Variants in PI4KA observed in about 807,000 individuals in gnomAD.
The protein encoded by PI4KA is phosphatidylinositol 4-kinase alpha.
Under a neutral mutation model 271.4 loss-of-function variants are expected in PI4KA, and 122 were observed. The observed-to-expected ratio is 0.45, with a 90% CI of 0.39 to 0.52. The LOEUF is 0.52. PI4KA is among the 20% of genes least tolerant of loss of function. PI4KA has a pLI of 0.00. For synonymous variants in PI4KA, 1,041 were observed against 1,078.8 expected, an observed-to-expected ratio of 0.96 and a Z score of 0.69; for missense variants, 1,969 against 2,769.1, an observed-to-expected ratio of 0.71 and a Z score of 6.48.
At chr22:20,727,422 G>A in intron 40 of PI4KA, 25 bp from the exon 41 acceptor site, 3 of 1,584,026 alleles carry the variant, frequency 1.9e-6, no homozygotes, top group South Asian at 1.1e-5. Context: ...GGGAGATGCT[G>A]TGGCTTGGGC....
In PI4KA at chr22:20,818,497, A is replaced by AC; in HGVS notation, c.841_842insG (p.Phe281CysfsTer5). The AC allele has an allele frequency of 6.3e-7, 1 of 1,580,272 alleles. No homozygotes were observed. The highest frequency in any genetic ancestry group is 8.6e-7 in the Non-Finnish European group (1 of 1,167,176). ...GTGAAGCCCACCTTCAAAGTAGTGAAAGGCAGATCCTCCAGGGGAACTGGG... is the reference window on the plus strand; with the variant it reads ...GTGAAGCCCACCTTCAAAGTAGTGAACAGGCAGATCCTCCAGGGGAACTGGG... On this transcript the variant is annotated frameshift_variant, in exon 7 of 55. Transcript: ENST00000255882. LOFTEE classifies it high-confidence loss of function.
At chr22:20,825,257 T>G (rs930170061) in intron 3 of PI4KA, among the ~76,000 whole-genome samples, 5 of 152,010 alleles carry the variant, frequency 3.3e-5, no homozygotes, top group Non-Finnish European at 5.9e-5. Context: ...GGCCTAAAAT[T>G]TGACCTTTTA....
intron 29 of PI4KA, among the ~76,000 whole-genome samples, 187 bp from the exon 30 acceptor site, chr22:20,744,907 C>T (rs1366315193): frequency 6.6e-6 from 1 of 151,882 alleles, no homozygotes; most frequent in Non-Finnish European, 1.5e-5. Context: ...TGATATGTTC[C>T]ATAAGAAATT....
chr22:20,730,989 C>A (rs1927971227), intron 36 of PI4KA, among the ~76,000 whole-genome samples: 1 of 151,916 alleles, frequency 6.6e-6, no homozygotes, highest in African/African-American at 2.4e-5. Flanking sequence ...CCAGCCTGGA[C>A]AACAAGGCAA....
chr22:20,759,534 G>A (rs1931736727), intron 23 of PI4KA, among the ~76,000 whole-genome samples: 1 of 150,750 alleles, frequency 6.6e-6, no homozygotes. Context: ...CTCCCCAGCA[G>A]CTGGGACTAC....
At chr22:20,712,443 G>A in intron 50 of PI4KA, 43 bp downstream of exon 50, 3 of 1,600,980 alleles carry the variant, frequency 1.9e-6, no homozygotes, top group Non-Finnish European at 2.6e-6. Flanking sequence ...GGGGTGGGGT[G>A]GAGCACACAC....
At chr22:20,714,779 T>C in intron 45 of PI4KA, 79 bp from the exon 46 acceptor site, 1 of 1,492,320 alleles carries the variant, frequency 6.7e-7, no homozygotes, top group South Asian at 1.2e-5. Flanking sequence ...ACACGGATGT[T>C]ACATGCGTGT....
At chr22:20,797,627 T>C (rs761141496) in intron 17 of PI4KA, among the ~76,000 whole-genome samples, 6 of 152,188 alleles carry the variant, frequency 3.9e-5, no homozygotes, top group African/African-American at 9.7e-5. Flanking sequence ...ACAGCTCTAT[T>C]GATTGGGAGC....
chr22:20,727,803 C>A lies in PI4KA; in HGVS notation c.4744G>T (p.Ala1582Ser). The A allele has an allele frequency of 6.2e-7, 1 of 1,614,118 alleles. No homozygotes were observed. The highest frequency in any genetic ancestry group is 8.5e-7 in the Non-Finnish European group (1 of 1,179,972). ...ATTGCTTCAGGCACATCACTAACGG[C>A]TCCCGGGTCCAACCGAACGAGACGG... is the stretch of plus-strand genomic sequence containing the variant. ...VTRLVRLDPG[A>S]VSDVPEAIKF... Residue 1582 changes from alanine (A) to serine (S), a missense_variant, in exon 40 of 55, where the codon GCC becomes TCC. By Grantham distance (99) the Ala-to-Ser change is moderately conservative (BLOSUM62 1). Transcript: ENST00000255882.
At chr22:20,712,413 G>A (rs2147170664) in intron 50 of PI4KA, 73 bp downstream of exon 50, 3 of 1,582,380 alleles carry the variant, frequency 1.9e-6, no homozygotes, top group Non-Finnish European at 2.6e-6. Flanking sequence ...GGTGTGGGTG[G>A]AGGCTGGGTA....
intron 4 of PI4KA, among the ~76,000 whole-genome samples, chr22:20,823,679 C>A (rs1922999425): frequency 6.6e-6 from 1 of 152,138 alleles, no homozygotes; most frequent in East Asian, 1.9e-4. Context: ...TGGCTCACAC[C>A]TATAATCCCA....
chr22:20,713,605 T>TA (rs1411294486), intron 47 of PI4KA, among the ~76,000 whole-genome samples: 3 of 152,206 alleles, frequency 2.0e-5, no homozygotes, highest in African/African-American at 7.2e-5. Context: ...TAAGAACATT[T>TA]AGGCTTAAAT....
At chr22:20,719,232 C>G (rs1486572896) in intron 43 of PI4KA, among the ~76,000 whole-genome samples, 1 of 152,026 alleles carries the variant, frequency 6.6e-6, no homozygotes, top group African/African-American at 2.4e-5. Context: ...TTAAACTCTA[C>G]CCTGAATACA....
At chr22:20,714,809 C>G in intron 45 of PI4KA, 109 bp from the exon 46 acceptor site, 7 of 1,324,308 alleles carry the variant, frequency 5.3e-6, no homozygotes, top group Non-Finnish European at 7.2e-6. Context: ...AGGCACACCC[C>G]GCCCCTGTGG....
At chr22:20,820,968 A>C (rs1922584285) in intron 4 of PI4KA, among the ~76,000 whole-genome samples, 1 of 152,228 alleles carries the variant, frequency 6.6e-6, no homozygotes, top group Non-Finnish European at 1.5e-5. Context: ...TTTCAACCGT[A>C]TTCTTCATGA....
In PI4KA at chr22:20,761,360, C is replaced by A; in HGVS notation, c.2735G>T (p.Arg912Leu). ...MRVLRSTDPD[R>L]FQVMFCYFED... ...AAAGTAGCAGAACATTACCTGGAAG[C>A]GATCAGGATCTGTTGAACGCAGTAC... The change falls in exon 23 of 55, where the codon CGC becomes CTC. Residue 912 changes from arginine to leucine, a missense_variant. Physicochemically the swap from Arg to Leu is moderately radical, Grantham distance 102 (BLOSUM62 -2). This residue lies in a region of PI4KA where 368 missense variants were observed against 544.3 expected (regional missense o/e 0.68). Coordinates refer to ENST00000255882, the MANE Select transcript of PI4KA (RefSeq NM_058004.4). 6.2e-7 allele frequency: 1 copy of A among 1,612,150 alleles called. No homozygotes were observed. The highest frequency in any genetic ancestry group is 8.5e-7 in the Non-Finnish European group (1 of 1,178,230).
At chr22:20,817,269 T>C (rs529982052) in intron 7 of PI4KA, among the ~76,000 whole-genome samples, 8 of 152,286 alleles carry the variant, frequency 5.3e-5, no homozygotes, top group African/African-American at 1.7e-4. Context: ...GGAGAGACTA[T>C]ACTGAAGCAT....
intron 1 of PI4KA, among the ~76,000 whole-genome samples, chr22:20,842,739 G>C (rs1925708959): frequency 6.6e-6 from 1 of 151,890 alleles, no homozygotes; most frequent in Non-Finnish European, 1.5e-5. Flanking sequence ...CTTGAACCCA[G>C]GAGCCGGAGA....
At chr22:20,848,632 CA>C (rs1284895474) in intron 1 of PI4KA, among the ~76,000 whole-genome samples, 2 of 152,146 alleles carry the variant, frequency 1.3e-5, no homozygotes, top group East Asian at 3.9e-4. Context: ...TGGATATTCA[CA>C]TGCAAAAGAA....
Sources: allele counts gnomAD v4.1 joint callset (sites outside exome capture counted in the v4.1 genomes callset), GRCh38; gene constraint gnomAD v4.1.1; regional missense constraint gnomAD v4.1.1; transcripts MANE v1.5; gene names NCBI Gene and HGNC (gene_info 2026-07-23, HGNC 2026-07-21).